PTPRD: variants seen among roughly 807,000 people sequenced by gnomAD.
PTPRD encodes protein tyrosine phosphatase receptor type D, also known as receptor-type tyrosine-protein phosphatase delta.
PTPRD carries 34 observed loss-of-function variants against 214.5 expected under a neutral mutation model. The observed-to-expected ratio is 0.16, with a 90% confidence interval of 0.12 to 0.21. PTPRD has a LOEUF of 0.21. Ranked by LOEUF, PTPRD falls within the 10% of genes least tolerant of loss-of-function variation. PTPRD has a pLI of 1.00. For synonymous variants in PTPRD, 1,128 were observed against 845.7 expected, an observed-to-expected ratio of 1.33 and a Z score of -5.79; for missense variants, 2,545 against 2,398.7, an observed-to-expected ratio of 1.06 and a Z score of -1.27.
At chr9:8,497,308 A>G in intron 25 of PTPRD, 40 bp from the exon 26 acceptor site, 1 of 1,547,830 alleles carries the variant, frequency 6.5e-7, no homozygotes, top group Non-Finnish European at 8.7e-7. Context: ...AACAAAATAA[A>G]AAGAAAAAGA....
chr9:9,791,807 G>A (rs1182153038), intron 5 of PTPRD, among the ~76,000 whole-genome samples: 2 of 152,042 alleles, frequency 1.3e-5, no homozygotes, highest in Non-Finnish European at 2.9e-5. Context: ...TTTGCTTATG[G>A]GAAGTTATAA....
rs368100918 is a variant in PTPRD, at chr9:10,395,954, TGAGA to T, written c.-599-54941_-599-54938del. On this transcript the variant is annotated intron_variant, in intron 2 of 45. Coordinates refer to ENST00000381196, the MANE Select transcript of PTPRD (RefSeq NM_002839.4). ...AAGCCACAGAGGGACATAGAGAGAA[TGAGA>T]GAGAGAGAGAGAGAGAGAGAGACAG... 2.5e-3 allele frequency among the ~76,000 whole-genome samples: 334 copies of T among 134,298 alleles called. 4 individuals carry two copies. Among genetic ancestry groups the T allele is most frequent in the Non-Finnish European group, 3.8e-3 (231 of 61,416 alleles). The allele number at this position is 134,298 out of a possible 152,430, so 88.1% of individuals were successfully genotyped here.
intron 7 of PTPRD, among the ~76,000 whole-genome samples, chr9:9,714,089 C>CAAAAA (rs5896350): frequency 0.011 from 1,402 of 126,896 alleles, 14 homozygotes; most frequent in Middle Eastern, 0.024. Context: ...TTCACTTGCG[C>CAAAAA]AAAAAAAAAA....
intron 8 of PTPRD, among the ~76,000 whole-genome samples, chr9:9,456,302 T>G (rs547055866): frequency 1.3e-5 from 2 of 151,916 alleles, no homozygotes; most frequent in Admixed American, 6.6e-5. Flanking sequence ...CCCCAATGTC[T>G]GCTGATGTCT....
intron 45 of PTPRD, 148 bp downstream of exon 45, chr9:8,319,683 G>C: frequency 1.1e-6 from 1 of 888,194 alleles, no homozygotes. Flanking sequence ...ATTTAAAAAG[G>C]GGGAAAATGA....
chr9:10,366,673 T>C (rs1375757445), intron 2 of PTPRD, among the ~76,000 whole-genome samples: 1 of 152,190 alleles, frequency 6.6e-6, no homozygotes, highest in Non-Finnish European at 1.5e-5. Context: ...TGAAAGTAGA[T>C]GAGTGATGTA....
At position 8,676,557 on chromosome 9, in the gene PTPRD, G is replaced by A. The variant is rs576419471; in HGVS notation, c.65-39713C>T. ...GCCACCACATCCACTTGATTTTTGTGTGGGTTTCTTTTTTTGTTTTGATTG... is the reference window on the plus strand; with the variant it reads ...GCCACCACATCCACTTGATTTTTGTATGGGTTTCTTTTTTTGTTTTGATTG... On this transcript the variant is annotated intron_variant, in intron 12 of 45. Coordinates refer to ENST00000381196, the MANE Select transcript of PTPRD (RefSeq NM_002839.4). Among the ~76,000 whole-genome samples the A allele has an allele frequency of 3.3e-5, 5 of 151,176 alleles. No homozygotes were observed. The East Asian group carries it at 7.8e-4, about 24-fold the overall frequency.
At chr9:10,358,187 C>A (rs1014265362) in intron 2 of PTPRD, among the ~76,000 whole-genome samples, 1 of 151,942 alleles carries the variant, frequency 6.6e-6, no homozygotes, top group Non-Finnish European at 1.5e-5. Context: ...TGAAAAATAG[C>A]ATGGTGAGAT....
intron 8 of PTPRD, among the ~76,000 whole-genome samples, chr9:9,545,872 T>C (rs2078675974): frequency 6.6e-6 from 1 of 151,858 alleles, no homozygotes; most frequent in Non-Finnish European, 1.5e-5. Context: ...ATTGAGTCTA[T>C]AGACGAATTT....
intron 8 of PTPRD, among the ~76,000 whole-genome samples, chr9:9,519,622 C>A (rs1224431992): frequency 6.6e-6 from 1 of 151,772 alleles, no homozygotes; most frequent in Non-Finnish European, 1.5e-5. Flanking sequence ...ACCAAAATAC[C>A]AAACTAAAGA....
At chr9:10,511,637 A>G (rs1276914447) in intron 2 of PTPRD, among the ~76,000 whole-genome samples, 1 of 145,072 alleles carries the variant, frequency 6.9e-6, no homozygotes, top group African/African-American at 2.6e-5. Flanking sequence ...GCTGGTCTTG[A>G]ACTCCTGACC....
chr9:8,381,446 T>A (rs1193187772), intron 37 of PTPRD, among the ~76,000 whole-genome samples: 1 of 152,204 alleles, frequency 6.6e-6, no homozygotes, highest in African/African-American at 2.4e-5. Context: ...TCAGTGATTC[T>A]CTTTTAACAA....
intron 2 of PTPRD, among the ~76,000 whole-genome samples, chr9:10,529,349 C>T (rs1255191338): frequency 2.0e-5 from 3 of 151,964 alleles, no homozygotes; most frequent in Admixed American, 6.6e-5. Flanking sequence ...ACTGGATAAA[C>T]AATATGTGGC....
intron 2 of PTPRD, among the ~76,000 whole-genome samples, chr9:10,470,913 T>C (rs1293921835): frequency 2.0e-5 from 3 of 152,022 alleles, no homozygotes; most frequent in South Asian, 2.1e-4. Context: ...TGCCCATCAA[T>C]GAGAAACTGG....
At position 8,316,175 on chromosome 9, in the gene PTPRD, T is replaced by TAA. The variant is rs1587160710; in HGVS notation, c.*1697_*1698dup. 8.7e-6 allele frequency: 2 copies of TAA among 229,674 alleles called. No homozygotes were observed. Among genetic ancestry groups the TAA allele is most frequent in the Admixed American group, 5.7e-5 (1 of 17,648 alleles). 14.2% of individuals were successfully genotyped at this position (229,674 alleles called of 1,614,324 possible). A position where few individuals can be genotyped will look rare whatever the true frequency, so the allele number is the denominator to read the frequency against. On this transcript the variant is annotated 3_prime_UTR_variant, in exon 46 of 46. Coordinates refer to ENST00000381196, the MANE Select transcript of PTPRD (RefSeq NM_002839.4). The stretch of plus-strand genomic sequence containing the variant: ...AAGTGCTTTGGGCTGGTACAATCAC[T>TAA]AACATCCCCGACTTGGCTGAAAACT...
At chr9:9,033,596 C>T (rs1053272482) in intron 10 of PTPRD, among the ~76,000 whole-genome samples, 2 of 152,094 alleles carry the variant, frequency 1.3e-5, no homozygotes, top group Admixed American at 6.6e-5. Context: ...ATAGATACTT[C>T]GAAAATTATT....
chr9:10,459,717 C>T (rs1475513091), intron 2 of PTPRD, among the ~76,000 whole-genome samples: 2 of 151,496 alleles, frequency 1.3e-5, no homozygotes, highest in Non-Finnish European at 2.9e-5. Flanking sequence ...TGAGAAGTGT[C>T]TGTTCACACC....
chr9:9,314,091 A>G (rs1960988366), intron 9 of PTPRD, among the ~76,000 whole-genome samples: 1 of 152,094 alleles, frequency 6.6e-6, no homozygotes, highest in Non-Finnish European at 1.5e-5. Flanking sequence ...TACTAGCATA[A>G]TTTTCACCAT....
chr9:9,614,646 T>C (rs527690728), intron 7 of PTPRD, among the ~76,000 whole-genome samples: 62 of 152,328 alleles, frequency 4.1e-4, no homozygotes, highest in African/African-American at 1.5e-3. Flanking sequence ...TATTTTGTAA[T>C]TCTTCAAATT....
Sources: gnomAD v4.1 joint callset for allele counts (sites outside exome capture counted in the v4.1 genomes callset) on GRCh38, gnomAD v4.1.1 for gene constraint, MANE v1.5 for transcripts, NCBI Gene and HGNC (gene_info 2026-07-23, HGNC 2026-07-21) for gene names.